The following DPH6 variants were observed in gnomAD, a reference collection of about 807,000 sequenced individuals.
The protein encoded by DPH6 is diphthine--ammonia ligase.
Under a neutral mutation model 38.2 loss-of-function variants are expected in DPH6, and 33 were observed. That is an observed-to-expected ratio of 0.86 (90% CI 0.65 to 1.15). The LOEUF (loss-of-function observed/expected upper bound fraction) is 1.15. Ranked by LOEUF, DPH6 falls within the 50% of genes most tolerant of loss-of-function variation. The pLI is 0.00. For synonymous variants in DPH6, 108 were observed against 103.0 expected (o/e 1.05, Z -0.30); for missense variants, 325 against 320.0 (o/e 1.02, Z -0.12).
At chr15:35,415,519 T>C (rs2053424980) in intron 5 of DPH6, among the ~76,000 whole-genome samples, 1 of 152,038 alleles carries the variant, frequency 6.6e-6, no homozygotes, top group South Asian at 2.1e-4. Context: ...ATTGTTAAAA[T>C]ATAGAAATAG....
intron 6 of DPH6, among the ~76,000 whole-genome samples, chr15:35,386,279 G>A (rs948928968): frequency 1.3e-5 from 2 of 152,176 alleles, no homozygotes; most frequent in African/African-American, 4.8e-5. Context: ...CCAAGTCTTT[G>A]CTATTGTGAA....
intron 3 of DPH6, among the ~76,000 whole-genome samples, chr15:35,500,550 TGG>T (rs1270262455): frequency 6.6e-6 from 1 of 152,208 alleles, no homozygotes; most frequent in Non-Finnish European, 1.5e-5. Flanking sequence ...ACAAGCAGTA[TGG>T]GTTATTTTAC....
chr15:35,285,051 C>A (rs1262126492), intron 3 of DPH6, among the ~76,000 whole-genome samples: 1 of 151,878 alleles, frequency 6.6e-6, no homozygotes. Flanking sequence ...CTCAAGTGAT[C>A]CTCCCACTTT....
In DPH6 at chr15:35,538,461, G is replaced by C; in HGVS notation, c.125C>G (p.Ser42Cys). The change falls in exon 3 of 9, where the codon TCT (serine) becomes TGT (cysteine). Residue 42 changes from serine to cysteine, a missense_variant. Transcript: ENST00000256538. ...NLRPAENQVG[S>C]DELDSYMYQT... The stretch of plus-strand genomic sequence containing the variant: ...ATACATGTAGCTATCCAGTTCATCA[G>C]ACCCCACTGCAACAATTAAAATGGA... The C allele has an allele frequency of 1.3e-6, 2 of 1,533,764 alleles. No individual in the cohort carries two copies. The highest frequency in any genetic ancestry group is 8.9e-7 in the Non-Finnish European group (1 of 1,124,732).
intron 3 of DPH6, among the ~76,000 whole-genome samples, chr15:35,474,283 T>C (rs2054238222): frequency 6.6e-6 from 1 of 152,306 alleles, no homozygotes; most frequent in Non-Finnish European, 1.5e-5. Context: ...AGCTCTGATC[T>C]ACATATTACT....
At chr15:35,385,122 A>G (rs766189522) in intron 6 of DPH6, among the ~76,000 whole-genome samples, 10 of 152,186 alleles carry the variant, frequency 6.6e-5, no homozygotes, top group Non-Finnish European at 1.3e-4. Context: ...GAAACAACAG[A>G]TGCTGGAGAG....
chr15:35,402,973 A>C (rs1258417671), intron 6 of DPH6, among the ~76,000 whole-genome samples: 1 of 152,142 alleles, frequency 6.6e-6, no homozygotes, highest in Non-Finnish European at 1.5e-5. Flanking sequence ...AAATATGATT[A>C]AAATCTACCC....
At chr15:35,336,732 A>C (rs554395914) in intron 3 of DPH6, among the ~76,000 whole-genome samples, 4 of 152,256 alleles carry the variant, frequency 2.6e-5, no homozygotes, top group African/African-American at 9.6e-5. Context: ...GGTTCTGTTT[A>C]TATGCTGGAT....
chr15:35,497,741 C>G (rs943089101), intron 3 of DPH6, among the ~76,000 whole-genome samples: 1 of 152,034 alleles, frequency 6.6e-6, no homozygotes, highest in Non-Finnish European at 1.5e-5. Context: ...GTAATAAAAC[C>G]AAGACACAAA....
At chr15:35,484,826 T>C (rs1441938523) in intron 3 of DPH6, among the ~76,000 whole-genome samples, 6 of 152,216 alleles carry the variant, frequency 3.9e-5, no homozygotes, top group African/African-American at 1.4e-4. Flanking sequence ...GGATTAGTTA[T>C]ATTATTCCTT....
At chr15:35,263,960 A>C (rs947523774) in intron 3 of DPH6, among the ~76,000 whole-genome samples, 1 of 151,948 alleles carries the variant, frequency 6.6e-6, no homozygotes, top group Non-Finnish European at 1.5e-5. Flanking sequence ...TGATCTGCCC[A>C]CCTCGGCCTC....
At chr15:35,351,002 C>A (rs756969153) in intron 3 of DPH6, among the ~76,000 whole-genome samples, 1 of 152,032 alleles carries the variant, frequency 6.6e-6, no homozygotes, top group Non-Finnish European at 1.5e-5. Context: ...CTGATCTATA[C>A]GTTATTGAAA....
At chr15:35,428,603 A>C in intron 5 of DPH6, among the ~76,000 whole-genome samples, 1 of 152,112 alleles carries the variant, frequency 6.6e-6, no homozygotes, top group East Asian at 1.9e-4. Flanking sequence ...AATGTTAGAA[A>C]GTTTCTATGC....
rs141397279 is a variant in DPH6, at chr15:35,315,351, A to T, written n.200+58170T>A. Among the ~76,000 whole-genome samples, 978 of 152,346 alleles carry T rather than the reference A, an allele frequency of 6.4e-3. 14 individuals are homozygous for T. Among genetic ancestry groups the T allele is most frequent in the Non-Finnish European group, 6.5e-3 (440 of 68,034 alleles). ...AAAGCACAAACTTTTACACCATAGG[A>T]ATAAACAAACTTATTTCTTATTGGC... On this transcript the variant is annotated intron_variant and non_coding_transcript_variant, in intron 3 of 3. Transcript: ENST00000560386.
intron 4 of DPH6, among the ~76,000 whole-genome samples, chr15:35,452,999 TAG>T (rs1268257492): frequency 6.6e-6 from 1 of 152,118 alleles, no homozygotes; most frequent in African/African-American, 2.4e-5. Context: ...TTTAAAAAGG[TAG>T]AGAGGCTGTT....
intron 3 of DPH6, among the ~76,000 whole-genome samples, chr15:35,288,108 T>C (rs1003188405): frequency 6.6e-6 from 1 of 152,154 alleles, no homozygotes; most frequent in Non-Finnish European, 1.5e-5. Context: ...TAAGTTACAG[T>C]GTCATGTTCA....
chr15:35,283,738 T>C (rs904368023), intron 3 of DPH6, among the ~76,000 whole-genome samples: 2 of 149,218 alleles, frequency 1.3e-5, no homozygotes, highest in African/African-American at 2.5e-5. Flanking sequence ...GGTTTACTTT[T>C]TTCATTGGGC....
At chr15:35,441,500 C>G (rs181062915) in intron 5 of DPH6, among the ~76,000 whole-genome samples, 3,428 of 152,218 alleles carry the variant, frequency 0.023, 59 homozygotes, top group Middle Eastern at 0.044. Context: ...ATGAGTTCGT[C>G]GCCTTTGCAG....
the DPH6 span, among the ~76,000 whole-genome samples, chr15:35,180,389 T>G: frequency 4.6e-5 from 6 of 131,428 alleles, no homozygotes; most frequent in East Asian, 2.1e-4. Context: ...CAGTTGGTTT[T>G]AAAACACACA....
Sources: allele counts gnomAD v4.1 joint callset (sites outside exome capture counted in the v4.1 genomes callset), GRCh38; gene constraint gnomAD v4.1.1; transcripts MANE v1.5; gene names NCBI Gene and HGNC (gene_info 2026-07-23, HGNC 2026-07-21).